Variants in GRIA3 observed in about 807,000 individuals in gnomAD.
The protein encoded by GRIA3 is glutamate receptor 3.
GRIA3 carries 3 observed loss-of-function variants against 63.0 expected under a neutral mutation model. The observed-to-expected ratio is 0.05, with a 90% CI of 0.02 to 0.12. The LOEUF (loss-of-function observed/expected upper bound fraction) is 0.12. Ranked by LOEUF, GRIA3 falls within the 10% of genes least tolerant of loss-of-function variation. GRIA3 has a pLI of 1.00. For missense variants in GRIA3, 347 were observed against 700.9 expected, an observed-to-expected ratio of 0.50 and a Z score of 5.70; for synonymous variants, 274 against 257.9, an observed-to-expected ratio of 1.06 and a Z score of -0.60.
At position 123,490,273 on chromosome X, in the gene GRIA3, C is replaced by T. The variant is rs2045962270; in HGVS notation, c.*1563C>T. 1.8e-5 allele frequency: 2 copies of T among 112,820 alleles called. No individual in the cohort carries two copies. Among genetic ancestry groups the T allele is most frequent in the African/African-American group, 6.5e-5 (2 of 30,958 alleles). The allele number at this position is 112,820 out of a possible 1,213,427, so 9.3% of individuals were successfully genotyped here. On this transcript the variant is annotated 3_prime_UTR_variant, in exon 16 of 16. Coordinates refer to ENST00000620443, the MANE Select transcript of GRIA3 (RefSeq NM_007325.5). The stretch of plus-strand genomic sequence containing the variant: ...CTTCAGAAAAGAAAGGAAGAAGTAT[C>T]GTTCCAACGAAATGTTTCCAGAAAA...
intron 2 of GRIA3, among the ~76,000 whole-genome samples, chrX:123,200,608 T>TACACACAC (rs200626306): frequency 1.5e-3 from 114 of 76,360 alleles, no homozygotes; most frequent in South Asian, 5.1e-3. Context: ...CACACATACA[T>TACACACAC]ACACACACAC....
chrX:123,186,349 G>A (rs1250255396), intron 2 of GRIA3, among the ~76,000 whole-genome samples: 1 of 111,270 alleles, frequency 9.0e-6, no homozygotes, highest in Non-Finnish European at 1.9e-5. Flanking sequence ...GTTGTTCAGA[G>A]AAATTTCTTC....
intron 3 of GRIA3, among the ~76,000 whole-genome samples, chrX:123,301,311 T>C (rs2044721707): frequency 9.0e-6 from 1 of 111,484 alleles, no homozygotes; most frequent in Non-Finnish European, 1.9e-5. Flanking sequence ...CTAAATCTCT[T>C]TGAAGGTCTC....
At chrX:123,227,247 C>A (rs16997195) in intron 2 of GRIA3, among the ~76,000 whole-genome samples, 2 of 105,244 alleles carry the variant, frequency 1.9e-5, no homozygotes, top group Non-Finnish European at 3.8e-5. Context: ...TGCATGGTAC[C>A]TTTTTTTCTA....
chrX:123,260,480 GAAAGAAA>G, intron 3 of GRIA3, among the ~76,000 whole-genome samples: 1 of 18,063 alleles, frequency 5.5e-5, no homozygotes, highest in Non-Finnish European at 1.3e-4. Context: ...AGAAAGGAAA[GAAAGAAA>G]GAAAGAAAGA....
At chrX:123,335,449 C>T (rs1053803364) in intron 4 of GRIA3, among the ~76,000 whole-genome samples, 8 of 111,518 alleles carry the variant, frequency 7.2e-5, no homozygotes, top group Admixed American at 6.7e-4. Context: ...GTTTGTTTAT[C>T]ATAAGCCTAT....
chrX:123,212,363 A>C (rs1928063173), intron 2 of GRIA3, among the ~76,000 whole-genome samples: 1 of 112,197 alleles, frequency 8.9e-6, no homozygotes, highest in Non-Finnish European at 1.9e-5. Flanking sequence ...AGAAATCCCA[A>C]CTTTCTGCCC....
At chrX:123,300,153 C>T (rs773501079) in intron 3 of GRIA3, among the ~76,000 whole-genome samples, 4 of 109,813 alleles carry the variant, frequency 3.6e-5, no homozygotes, top group Admixed American at 9.8e-5. Flanking sequence ...GGATTTTGCA[C>T]GTATGTTCAT....
intron 12 of GRIA3, among the ~76,000 whole-genome samples, chrX:123,456,881 C>T (rs1223105874): frequency 9.0e-6 from 1 of 111,047 alleles, no homozygotes; most frequent in Non-Finnish European, 1.9e-5. Flanking sequence ...AGATGGAGGC[C>T]CAAAGCCACC....
intron 2 of GRIA3, chrX:123,204,308 AG>A (rs1166016983): frequency 2.8e-6 from 2 of 725,665 alleles, no homozygotes; most frequent in African/African-American, 4.2e-5. Context: ...TCCTGCAGGG[AG>A]GCTGACAGAA....
intron 12 of GRIA3, among the ~76,000 whole-genome samples, chrX:123,437,872 T>A (rs1331086142): frequency 8.9e-6 from 1 of 111,880 alleles, no homozygotes; most frequent in Non-Finnish European, 1.9e-5. Flanking sequence ...AAGGGAAGAT[T>A]GCCGTTGTTA....
chrX:123,374,167 G>A (rs2045268757), intron 5 of GRIA3, among the ~76,000 whole-genome samples: 1 of 111,667 alleles, frequency 9.0e-6, no homozygotes, highest in African/African-American at 3.3e-5. Flanking sequence ...GATGGTTGTA[G>A]ATGTGTGGTG....
intron 2 of GRIA3, among the ~76,000 whole-genome samples, chrX:123,248,028 C>T (rs752338701): frequency 4.4e-5 from 5 of 112,368 alleles, no homozygotes; most frequent in South Asian, 7.5e-4. Flanking sequence ...ACATAGTAGA[C>T]GCTCAAAAAA....
At chrX:123,284,101 C>A (rs746372028) in intron 3 of GRIA3, among the ~76,000 whole-genome samples, 1 of 112,649 alleles carries the variant, frequency 8.9e-6, no homozygotes, top group Non-Finnish European at 1.9e-5. Flanking sequence ...AATAACCAGG[C>A]AAACAGGGTC....
Position 123,428,058 on chromosome X carries a change from A to C in GRIA3, c.1995A>C (p.Ile665=). Residue 665 remains isoleucine (I), a synonymous_variant, in exon 12 of 16, where the codon ATA becomes ATC. Coordinates refer to ENST00000620443, the MANE Select transcript of GRIA3 (RefSeq NM_007325.5). ...CTGTGGAGAGGATGGTTTCTCCCAT[A>C]GAGAGTGCTGAAGACTTAGCTAAAC... The part of the protein sequence containing the change: ...FLTVERMVSP[I]ESAEDLAKQT... 3 of 1,198,279 alleles carry C rather than the reference A, an allele frequency of 2.5e-6. No individual in the cohort carries two copies. The highest frequency in any genetic ancestry group is 3.4e-6 in the Non-Finnish European group (3 of 883,465).
chrX:123,187,314 T>C (rs1028707708), intron 2 of GRIA3, among the ~76,000 whole-genome samples: 2 of 112,302 alleles, frequency 1.8e-5, no homozygotes, highest in Non-Finnish European at 3.8e-5. Flanking sequence ...TTGTCAGCTT[T>C]AAGAAAATTT....
intron 12 of GRIA3, among the ~76,000 whole-genome samples, chrX:123,461,989 T>C (rs374504593): frequency 1.8e-5 from 2 of 111,739 alleles, no homozygotes; most frequent in African/African-American, 6.5e-5. Flanking sequence ...TAGATTTAGT[T>C]GGGAAAAGTT....
chrX:123,244,752 A>T (rs766570171), intron 2 of GRIA3, among the ~76,000 whole-genome samples: 4 of 112,180 alleles, frequency 3.6e-5, no homozygotes, highest in Non-Finnish European at 5.6e-5. Context: ...TGATGTTGCA[A>T]AACATCTTAC....
At chrX:123,243,282 G>T (rs971472720) in intron 2 of GRIA3, among the ~76,000 whole-genome samples, 4 of 112,066 alleles carry the variant, frequency 3.6e-5, no homozygotes, top group Admixed American at 9.4e-5. Flanking sequence ...CTATACCCAT[G>T]ATCAAAATTA....
Sources: gnomAD v4.1 joint callset for allele counts (sites outside exome capture counted in the v4.1 genomes callset) on GRCh38, gnomAD v4.1.1 for gene constraint, MANE v1.5 for transcripts, NCBI Gene and HGNC (gene_info 2026-07-23, HGNC 2026-07-21) for gene names.